LGMN: variants seen among roughly 807,000 people sequenced by gnomAD.
The protein encoded by LGMN is asparaginyl endopeptidase.
Under a neutral mutation model 56.8 loss-of-function variants are expected in LGMN, and 36 were observed. The ratio of observed to expected loss-of-function variants is 0.63; its 90% confidence interval spans 0.49 to 0.84. The LOEUF (loss-of-function observed/expected upper bound fraction) is 0.84. Among genes scored for constraint, LGMN ranks in the 40% least tolerant of loss-of-function variants. The pLI, the probability that LGMN is intolerant of heterozygous loss-of-function variation, is 0.00. For synonymous variants in LGMN, 199 were observed against 210.1 expected (o/e 0.95, Z 0.46); for missense variants, 446 against 556.1 (o/e 0.80, Z 1.99).
chr14:92,732,877 G>A lies in LGMN; in HGVS notation c.-29-62C>T, dbSNP rs148904971. On this transcript the variant is annotated intron_variant, in intron 1 of 13. Coordinates refer to ENST00000334869, the MANE Select transcript of LGMN (RefSeq NM_005606.7). ...AAGAACTGATAAACATTGGCTGGGC[G>A]CGGTGGCTCACACCTGTAATTCCAG... 1.2e-4 allele frequency: 168 copies of A among 1,370,092 alleles called. 2 individuals are homozygous for A. In the East Asian group the frequency reaches 3.2e-3, roughly 26 times the overall value. 84.9% of individuals were successfully genotyped at this position (1,370,092 alleles called of 1,614,324 possible).
At chr14:92,705,008 A>G in intron 12 of LGMN, 1 of 323,156 alleles carries the variant, frequency 3.1e-6, no homozygotes, top group Non-Finnish European at 6.1e-6. Context: ...ATGGCCTGGG[A>G]TCTCCCCGGG....
At chr14:92,727,943 C>T (rs1054218085) in intron 2 of LGMN, among the ~76,000 whole-genome samples, 2 of 152,204 alleles carry the variant, frequency 1.3e-5, no homozygotes, top group Non-Finnish European at 2.9e-5. Flanking sequence ...TACATCAAGT[C>T]TGTTTTAATG....
chr14:92,713,906 CA>C, intron 6 of LGMN, 21 bp from the exon 7 acceptor site: 1 of 1,566,454 alleles, frequency 6.4e-7, no homozygotes, highest in East Asian at 2.2e-5. Flanking sequence ...AGAATATTGT[CA>C]GACCAACACA....
intron 2 of LGMN, among the ~76,000 whole-genome samples, chr14:92,725,572 TTTTC>T (rs1204373971): frequency 1.3e-5 from 2 of 151,924 alleles, no homozygotes; most frequent in African/African-American, 4.8e-5. Flanking sequence ...CGGATTTCTT[TTTTC>T]TTTTTCTTTT....
intron 1 of LGMN, among the ~76,000 whole-genome samples, chr14:92,738,328 G>A (rs1891394747): frequency 6.6e-6 from 1 of 151,298 alleles, no homozygotes; most frequent in South Asian, 2.1e-4. Flanking sequence ...GCCCAGGCTG[G>A]AGTGCAGTGG....
intron 1 of LGMN, among the ~76,000 whole-genome samples, chr14:92,743,354 T>G (rs1891656141): frequency 6.6e-6 from 1 of 151,624 alleles, no homozygotes; most frequent in Non-Finnish European, 1.5e-5. Flanking sequence ...ACAAAAAAAA[T>G]TAGCCAGGCG....
rs1402228526 is a variant in LGMN, at chr14:92,711,974, G to T, written c.611-19C>A. 1.3e-6 allele frequency: 2 copies of T among 1,549,282 alleles called. No individual in the cohort carries two copies. Among genetic ancestry groups the T allele is most frequent in the African/African-American group, 2.7e-5 (2 of 73,626 alleles). ...GCATAAACTACGAGGAATTAAAGAT[G>T]ATCTTTTAGTTGCATTTTATTCCTG... On this transcript the variant is annotated intron_variant, in intron 8 of 13. Coordinates refer to ENST00000334869, the MANE Select transcript of LGMN (RefSeq NM_005606.7).
chr14:92,721,586 A>ATCCC (rs149135016), intron 2 of LGMN, among the ~76,000 whole-genome samples: 1 of 152,368 alleles, frequency 6.6e-6, no homozygotes, highest in East Asian at 1.9e-4. Context: ...TCTGGAAAAC[A>ATCCC]TCTTGACATT....
In LGMN at chr14:92,716,203, A is replaced by C. The variant is rs778017201; in HGVS notation, c.337T>G (p.Phe113Val). The C allele has an allele frequency of 6.2e-7, 1 of 1,613,416 alleles. No individual in the cohort carries two copies. Among genetic ancestry groups the C allele is most frequent in the South Asian group, 1.1e-5 (1 of 91,080 alleles). ...GCATCGCCTCTCAACACAGCAAGGA[A>C]ATTTTGTGGGGTAACATCCTACAAA... ...YTGEDVTPQN[F>V]LAVLRGDAEA... The change falls in exon 5 of 14, where the codon TTC (phenylalanine) becomes GTC (valine). Residue 113 changes from phenylalanine (F) to valine (V), a missense_variant. Phe to Val is a conservative substitution (Grantham distance 50). Coordinates refer to ENST00000334869, the MANE Select transcript of LGMN (RefSeq NM_005606.7).
At chr14:92,707,828 T>G (rs1403957178) in intron 11 of LGMN, among the ~76,000 whole-genome samples, 2 of 152,172 alleles carry the variant, frequency 1.3e-5, no homozygotes, top group African/African-American at 4.8e-5. Context: ...AGAAGTCCTA[T>G]ATGATTTACA....
In LGMN at chr14:92,714,837, T is replaced by TCC. The variant is rs139735605; in HGVS notation, c.405-388_405-387dup. Among the ~76,000 whole-genome samples the TCC allele has an allele frequency of 4.6e-5, 7 of 151,654 alleles. No individual in the cohort carries two copies. The East Asian group carries it at 1.2e-3, about 25-fold the overall frequency. The stretch of plus-strand genomic sequence containing the variant: ...ATGACCTCAACACAGGCCTGCAGCC[T>TCC]CCCCCCCTCCAGGCCTCCTGTGGCC... On this transcript the variant is annotated intron_variant, in intron 5 of 13. Transcript: ENST00000334869. The surrounding 1 kb of genome is among the most constrained non-coding windows in gnomAD (Gnocchi z 5.1).
Position 92,723,813 on chromosome 14 carries a change from C to T in LGMN, c.139-4969G>A, listed in dbSNP as rs146603625. Among the ~76,000 whole-genome samples, 15 of 152,202 alleles carry T rather than the reference C, an allele frequency of 9.9e-5. No individual in the cohort carries two copies. The East Asian group carries it at 1.7e-3, about 18-fold the overall frequency. Reference sequence around the variant, plus strand: ...GCAGTGTGATCATGGCTCACTGCAGCCTCTGCCTCCAGGGTCCAAGCGATT... The same window carrying T: ...GCAGTGTGATCATGGCTCACTGCAGTCTCTGCCTCCAGGGTCCAAGCGATT... On this transcript the variant is annotated intron_variant, in intron 2 of 13. Coordinates refer to ENST00000334869, the MANE Select transcript of LGMN (RefSeq NM_005606.7).
At chr14:92,715,806 GA>G (rs1890044466) in intron 5 of LGMN, 1 of 189,838 alleles carries the variant, frequency 5.3e-6, no homozygotes, top group Admixed American at 5.4e-5. Flanking sequence ...CAGGGATTCA[GA>G]TTCACACCTG....
chr14:92,736,957 A>C (rs551812035), intron 1 of LGMN, among the ~76,000 whole-genome samples: 4 of 152,194 alleles, frequency 2.6e-5, no homozygotes, highest in African/African-American at 9.6e-5. Flanking sequence ...CTCTTCAGTG[A>C]CCCCACAAGA....
chr14:92,724,160 T>C (rs4904980), intron 2 of LGMN, among the ~76,000 whole-genome samples: 103,617 of 152,218 alleles, frequency 0.68, 36,373 homozygotes, highest in Middle Eastern at 0.79. Flanking sequence ...TAAGATGATA[T>C]GTCTTAAACT....
chr14:92,720,883 TTTTTTG>T (rs1326330698), intron 2 of LGMN, among the ~76,000 whole-genome samples: 7 of 151,836 alleles, frequency 4.6e-5, no homozygotes, highest in Non-Finnish European at 8.8e-5. Context: ...TTTTGTTTAT[TTTTTTG>T]TTTTTGTTTT....
chr14:92,714,023 C>A lies in LGMN; in HGVS notation c.481-138G>T. The A allele has an allele frequency of 1.4e-6, 1 of 731,534 alleles. No individual in the cohort carries two copies. The allele number at this position is 731,534 out of a possible 1,614,324, so 45.3% of individuals were successfully genotyped here. ...AGTAATCATGGTGAAGAACATAACCCCAGAATGTCGTCACATGTTTTATGC... is the reference window on the plus strand; with the variant it reads ...AGTAATCATGGTGAAGAACATAACCACAGAATGTCGTCACATGTTTTATGC... On this transcript the variant is annotated intron_variant, in intron 6 of 13. Transcript: ENST00000334869. The surrounding 1 kb of genome is among the most constrained non-coding windows in gnomAD (Gnocchi z 5.1).
chr14:92,732,736 G>A lies in LGMN; in HGVS notation c.51C>T (p.Ala17=), dbSNP rs750353581. ...VFLSVALGIG[A]VPIDDPEDGG... The stretch of plus-strand genomic sequence containing the variant: ...CATCTTCAGGATCATCTATAGGAAC[G>A]GCACCAATGCCCAGGGCCACACTGA... Residue 17 remains alanine, a synonymous_variant, in exon 2 of 14, where the codon GCC becomes GCT. Coordinates refer to ENST00000334869, the MANE Select transcript of LGMN (RefSeq NM_005606.7). 1.9e-5 allele frequency: 30 copies of A among 1,613,994 alleles called. No individual in the cohort carries two copies. Among genetic ancestry groups the A allele is most frequent in the South Asian group, 3.3e-5 (3 of 91,076 alleles).
intron 10 of LGMN, 82 bp from the exon 11 acceptor site, chr14:92,709,954 G>C: frequency 4.2e-6 from 5 of 1,182,300 alleles, no homozygotes; most frequent in African/African-American, 1.5e-5. Context: ...GAGAGAGAGA[G>C]CTGGTTTGAG....
Sources: gnomAD v4.1 joint callset for allele counts (sites outside exome capture counted in the v4.1 genomes callset) on GRCh38, gnomAD v4.1.1 for gene constraint, Gnocchi (gnomAD v3.1) non-coding constraint, MANE v1.5 for transcripts, NCBI Gene and HGNC (gene_info 2026-07-23, HGNC 2026-07-21) for gene names.